The following ACBD5 variants were observed in gnomAD, a reference collection of about 807,000 sequenced individuals.
The protein encoded by ACBD5 is acyl-CoA binding domain containing 5.
Under a neutral mutation model 71.8 loss-of-function variants are expected in ACBD5, and 40 were observed. The ratio of observed to expected loss-of-function variants is 0.56; its 90% CI spans 0.43 to 0.72. ACBD5 has a LOEUF of 0.72. Ranked by LOEUF, ACBD5 falls within the 30% of genes least tolerant of loss-of-function variation. The pLI, the probability that ACBD5 is intolerant of heterozygous loss-of-function variation, is 0.00. For synonymous variants in ACBD5, 229 were observed against 218.6 expected, an observed-to-expected ratio of 1.05 and a Z score of -0.42; for missense variants, 559 against 644.5, an observed-to-expected ratio of 0.87 and a Z score of 1.44.
At chr10:27,232,333 T>C (rs1430338936) in intron 3 of ACBD5, 1 of 151,698 alleles carries the variant, frequency 6.6e-6, no homozygotes, top group Non-Finnish European at 1.5e-5. Context: ...GGGTTTTTTT[T>C]TTTTTTTTTT....
At chr10:27,189,769 AAT>A (rs71386921) in intron 13 of ACBD5, among the ~76,000 whole-genome samples, 98,576 of 144,896 alleles carry the variant, frequency 0.68, 32,666 homozygotes, top group African/African-American at 0.69. Context: ...GTATAATAAA[AAT>A]ATATATATAT....
chr10:27,193,947 T>C (rs1028365800), downstream of ACBD5, among the ~76,000 whole-genome samples: 12 of 152,156 alleles, frequency 7.9e-5, no homozygotes, highest in African/African-American at 2.9e-4. Context: ...AAGTCATAGA[T>C]GGGTATTAAA....
chr10:27,236,645 T>C lies in ACBD5; in HGVS notation c.182-1433A>G, dbSNP rs192522911. On this transcript the variant is annotated intron_variant, in intron 2 of 12. Coordinates refer to ENST00000396271, the MANE Select transcript of ACBD5 (RefSeq NM_145698.5). ...GGCTCACACCTGTAATCCTAGCACT[T>C]TGGGAGGCCGAGGCAGGCGGATCAC... is the stretch of plus-strand genomic sequence containing the variant. 2.5e-3 allele frequency among the ~76,000 whole-genome samples: 375 copies of C among 152,236 alleles called. 2 individuals carry two copies. The highest frequency in any genetic ancestry group is 8.6e-3 in the African/African-American group (356 of 41,544).
intron 12 of ACBD5, 40 bp downstream of exon 12, chr10:27,204,400 G>A (rs769496795): frequency 1.4e-6 from 2 of 1,460,624 alleles, no homozygotes; most frequent in African/African-American, 2.8e-5. Context: ...TATAGGTTAT[G>A]AGAGTTATAC....
intron 13 of ACBD5, among the ~76,000 whole-genome samples, chr10:27,184,610 G>T (rs1366229032): frequency 2.1e-5 from 3 of 143,198 alleles, no homozygotes; most frequent in Non-Finnish European, 4.5e-5. Flanking sequence ...GCCCAGGCTG[G>T]AGTGCAGTGG....
At chr10:27,203,237 CA>C (rs1014307131) in intron 12 of ACBD5, among the ~76,000 whole-genome samples, 13 of 152,068 alleles carry the variant, frequency 8.5e-5, no homozygotes, top group Admixed American at 3.3e-4. Context: ...CCACCCATCT[CA>C]GCTTCCTAAA....
intron 4 of ACBD5, among the ~76,000 whole-genome samples, chr10:27,226,223 T>C (rs2062991891): frequency 6.6e-6 from 1 of 152,102 alleles, no homozygotes; most frequent in African/African-American, 2.4e-5. Flanking sequence ...TGTGTGATGC[T>C]GAAGTTTGGG....
chr10:27,231,556 G>A (rs903269920), intron 4 of ACBD5, among the ~76,000 whole-genome samples, 192 bp downstream of exon 4: 1 of 152,104 alleles, frequency 6.6e-6, no homozygotes, highest in Admixed American at 6.6e-5. Context: ...ATCACAGTGT[G>A]ATATATCTTA....
chr10:27,207,233 G>A (rs1446317738), intron 10 of ACBD5, among the ~76,000 whole-genome samples: 2 of 151,298 alleles, frequency 1.3e-5, no homozygotes, highest in Non-Finnish European at 2.9e-5. Flanking sequence ...CCGAGATCCC[G>A]CCACTGCACT....
intron 9 of ACBD5, among the ~76,000 whole-genome samples, chr10:27,209,571 C>A (rs2060846358): frequency 6.6e-6 from 1 of 152,164 alleles, no homozygotes; most frequent in Non-Finnish European, 1.5e-5. Flanking sequence ...GATCTGCCTG[C>A]CTTGGCCTCC....
downstream of ACBD5, among the ~76,000 whole-genome samples, chr10:27,193,820 T>A (rs1193485954): frequency 6.6e-6 from 1 of 152,196 alleles, no homozygotes; most frequent in Non-Finnish European, 1.5e-5. Context: ...TCCAGACTTA[T>A]ATCGAAGGAA....
Position 27,210,050 on chromosome 10 carries a change from G to T in ACBD5, c.1204+764C>A. 1.3e-5 allele frequency among the ~76,000 whole-genome samples: 2 copies of T among 152,104 alleles called. 1 individual carries two copies. Among genetic ancestry groups the T allele is most frequent in the Non-Finnish European group, 2.9e-5 (2 of 68,026 alleles). On this transcript the variant is annotated intron_variant, in intron 9 of 12. Coordinates refer to ENST00000396271, the MANE Select transcript of ACBD5 (RefSeq NM_145698.5). ...TTACTGGATTAAAGGATAACAACTG[G>T]GTCAAGGTTCCCAAGCTATTTATCA... is the stretch of plus-strand genomic sequence containing the variant.
intron 4 of ACBD5, among the ~76,000 whole-genome samples, chr10:27,228,815 A>ATTTT (rs1167438554): frequency 2.0e-4 from 4 of 20,362 alleles, no homozygotes; most frequent in African/African-American, 4.7e-4. Context: ...ATATATATAT[A>ATTTT]TTTTTTTTTT....
intron 6 of ACBD5, among the ~76,000 whole-genome samples, chr10:27,218,944 T>C (rs1419012143): frequency 6.6e-6 from 1 of 152,170 alleles, no homozygotes; most frequent in Admixed American, 6.6e-5. Flanking sequence ...CCGTGTGTTA[T>C]TGGTATTCCA....
chr10:27,191,456 C>T (rs1285218168), downstream of ACBD5, among the ~76,000 whole-genome samples: 1 of 152,000 alleles, frequency 6.6e-6, no homozygotes, highest in Non-Finnish European at 1.5e-5. Flanking sequence ...GTTGGTTCAT[C>T]AGATGAAACA....
At position 27,210,933 on chromosome 10, in the gene ACBD5, A is replaced by G. The variant is rs1197576459; in HGVS notation, c.1085T>C (p.Val362Ala). The change falls in exon 9 of 13, where the codon GTT (valine) becomes GCT (alanine). Residue 362 changes from valine (V) to alanine (A), a missense_variant. Val to Ala is a moderately conservative substitution (Grantham distance 64). Transcript: ENST00000396271. ...GNIGNMQVVA[V>A]EGKGEVKHGG... Reference sequence around the variant, plus strand: ...ATGCTTGACTTCACCTTTTCCTTCAACTGCAACCACCTGCATATTCCCAAT... The same window carrying G: ...ATGCTTGACTTCACCTTTTCCTTCAGCTGCAACCACCTGCATATTCCCAAT... 1.9e-6 allele frequency: 3 copies of G among 1,614,032 alleles called. No individual in the cohort carries two copies. Among genetic ancestry groups the G allele is most frequent in the South Asian group, 1.1e-5 (1 of 91,074 alleles).
intron 12 of ACBD5, among the ~76,000 whole-genome samples, chr10:27,198,533 C>A (rs1454836384): frequency 6.6e-6 from 1 of 152,112 alleles, no homozygotes; most frequent in East Asian, 1.9e-4. Context: ...TTATCCTCTG[C>A]AGAAATCCTC....
Position 27,231,774 on chromosome 10 carries a change from T to G in ACBD5, c.349A>C (p.Ile117Leu). ...LGDMTKEEAM[I>L]AYVEEMKKII... Reference sequence around the variant, plus strand: ...TTTTTCATTTCTTCAACATATGCAATCATGGCTTCCTCTTTGGTCATATCA... The same window carrying G: ...TTTTTCATTTCTTCAACATATGCAAGCATGGCTTCCTCTTTGGTCATATCA... The change falls in exon 4 of 13, where the codon ATT (isoleucine) becomes CTT (leucine). Residue 117 changes from isoleucine to leucine, a missense_variant. Coordinates refer to ENST00000396271, the MANE Select transcript of ACBD5 (RefSeq NM_145698.5). The G allele has an allele frequency of 6.2e-7, 1 of 1,613,828 alleles. No homozygotes were observed. Among genetic ancestry groups the G allele is most frequent in the Non-Finnish European group, 8.5e-7 (1 of 1,179,964 alleles).
intron 4 of ACBD5, among the ~76,000 whole-genome samples, chr10:27,228,815 A>ATTTTTTTTTTT (rs1167438554): frequency 1.5e-4 from 3 of 20,368 alleles, no homozygotes; most frequent in East Asian, 9.4e-4. Context: ...ATATATATAT[A>ATTTTTTTTTTT]TTTTTTTTTT....
Sources: allele counts gnomAD v4.1 joint callset (sites outside exome capture counted in the v4.1 genomes callset), GRCh38; gene constraint gnomAD v4.1.1; transcripts MANE v1.5; gene names NCBI Gene and HGNC (gene_info 2026-07-23, HGNC 2026-07-21).